The following SYN1 variants were observed in gnomAD, a reference collection of about 807,000 sequenced individuals.
SYN1 encodes synapsin I, also known as synapsin-1.
Under a neutral mutation model 44.6 loss-of-function variants are expected in SYN1, and 8 were observed. The ratio of observed to expected loss-of-function variants is 0.18; its 90% CI spans 0.11 to 0.32. The LOEUF is 0.32. Among genes scored for constraint, SYN1 ranks in the 10% least tolerant of loss-of-function variants. The pLI, the probability that SYN1 is intolerant of heterozygous loss-of-function variation, is 1.00. For missense variants in SYN1, 451 were observed against 639.4 expected, an observed-to-expected ratio of 0.71 and a Z score of 3.18; for synonymous variants, 275 against 280.1, an observed-to-expected ratio of 0.98 and a Z score of 0.18.
At chrX:47,585,378 G>A (rs1283138742) in intron 5 of SYN1, 1 of 1,206,051 alleles carries the variant, frequency 8.3e-7, no homozygotes, top group Non-Finnish European at 1.1e-6. Flanking sequence ...CAGTCCCTGG[G>A]GCGCGGCCTA....
Position 47,572,600 on chromosome X carries a change from G to A in SYN1, c.*264C>T. On this transcript the variant is annotated 3_prime_UTR_variant, in exon 13 of 13. Coordinates refer to ENST00000295987, the MANE Select transcript of SYN1 (RefSeq NM_006950.3). ...CAGGGGCGGAGGTCTTCAGGAATGT[G>A]GAGGTTCTAAAACAGAAGTAGATCC... 2 of 343,292 alleles carry A rather than the reference G, an allele frequency of 5.8e-6. No homozygotes were observed. Among genetic ancestry groups the A allele is most frequent in the Non-Finnish European group, 1.0e-5 (2 of 194,930 alleles). The allele number at this position is 343,292 out of a possible 1,213,427, so 28.3% of individuals were successfully genotyped here.
chrX:47,574,813 G>T (rs761419665), intron 10 of SYN1, 38 bp from the exon 11 acceptor site: 2 of 1,110,756 alleles, frequency 1.8e-6, no homozygotes, highest in Non-Finnish European at 2.4e-6. Flanking sequence ...GTTAAAAATA[G>T]TTACCAGCCA....
chrX:47,574,026 C>T lies in SYN1; in HGVS notation c.1958G>A (p.Gly653Glu). 8.7e-7 allele frequency: 1 copy of T among 1,149,187 alleles called. No individual in the cohort carries two copies. The highest frequency in any genetic ancestry group is 1.2e-6 in the Non-Finnish European group (1 of 869,199). 94.7% of individuals were successfully genotyped at this position (1,149,187 alleles called of 1,213,427 possible). A position where few individuals can be genotyped will look rare whatever the true frequency, so the allele number is the denominator to read the frequency against. Residue 653 changes from glycine (G) to glutamate (E), a missense_variant, in exon 12 of 13, where the codon GGG becomes GAG. By Grantham distance (98) the Gly-to-Glu change is moderately conservative. This residue lies in a region of SYN1 where 127 missense variants were observed against 154.8 expected (regional missense o/e 0.82). Transcript: ENST00000295987. Reference protein sequence around the residue: ...DVPPPATAAAGGPPHPQLNKS... With the variant: ...DVPPPATAAAEGPPHPQLNKS... ...CTTGAGCTGGGGGTGCGGAGGTCCC[C>T]CTGCAGCGGCGGTGGCGGGTGGCGG...
In SYN1 at chrX:47,606,933, T is replaced by C. The variant is rs1323719363; in HGVS notation, c.527+12A>G. On this transcript the variant is annotated intron_variant, in intron 3 of 12. Transcript: ENST00000295987. ...CTTGCTCATAACACCAAGGTACCCT[T>C]CTTATACTCACCGCACGACCTTCAC... 1 of 1,204,870 alleles carries C rather than the reference T, an allele frequency of 8.3e-7. No homozygotes were observed. Among genetic ancestry groups the C allele is most frequent in the Admixed American group, 2.2e-5 (1 of 45,776 alleles).
intron 5 of SYN1, among the ~76,000 whole-genome samples, chrX:47,596,392 G>A (rs771691860): frequency 8.9e-6 from 1 of 112,534 alleles, no homozygotes; most frequent in East Asian, 2.8e-4. Flanking sequence ...ACATATGCCT[G>A]GGAATCTAGA....
chrX:47,619,511 C>T lies in SYN1; in HGVS notation c.218G>A (p.Gly73Asp). The change falls in exon 1 of 13, where the codon GGC becomes GAC. Residue 73 changes from glycine to aspartate, a missense_variant. Physicochemically the swap from Gly to Asp is moderately conservative, Grantham distance 94. This residue lies in a region of SYN1 where 315 missense variants were observed against 451.4 expected (regional missense o/e 0.70). Coordinates refer to ENST00000295987, the MANE Select transcript of SYN1 (RefSeq NM_006950.3). ...PAAPSPGSSG[G>D]GGFFSSLSNA... ...GGACAGCGACGAGAAGAAGCCACCG[C>T]CCCCCGAGGACCCGGGGCTAGGGGC... is the stretch of plus-strand genomic sequence containing the variant. The T allele has an allele frequency of 8.3e-7, 1 of 1,197,981 alleles. No individual in the cohort carries two copies. The highest frequency in any genetic ancestry group is 1.8e-5 in the South Asian group (1 of 56,167).
intron 12 of SYN1, among the ~76,000 whole-genome samples, 176 bp downstream of exon 12, chrX:47,573,826 T>C (rs2057767688): frequency 9.2e-6 from 1 of 108,588 alleles, no homozygotes; most frequent in Non-Finnish European, 1.9e-5. Context: ...GCGGAGCCTC[T>C]GGTGGGCCGG....
At chrX:47,589,256 C>T (rs1429346957) in intron 5 of SYN1, among the ~76,000 whole-genome samples, 1 of 98,725 alleles carries the variant, frequency 1.0e-5, no homozygotes, top group Non-Finnish European at 2.0e-5. Flanking sequence ...GAGATCATGC[C>T]ACTGCACCCC....
intron 5 of SYN1, among the ~76,000 whole-genome samples, chrX:47,588,517 C>T (rs2057835452): frequency 8.9e-6 from 1 of 112,114 alleles, no homozygotes; most frequent in Non-Finnish European, 1.9e-5. Context: ...CCCTGCAGGT[C>T]AGCCCTTCGC....
intron 5 of SYN1, among the ~76,000 whole-genome samples, chrX:47,594,165 C>T (rs1448202730): frequency 9.3e-6 from 1 of 107,658 alleles, no homozygotes; most frequent in African/African-American, 3.4e-5. Flanking sequence ...GTCCAGGAGG[C>T]GGAGGTTGCA....
At chrX:47,597,307 C>T (rs775545701) in intron 5 of SYN1, among the ~76,000 whole-genome samples, 260 of 106,258 alleles carry the variant, frequency 2.4e-3, no homozygotes, top group Non-Finnish European at 3.5e-3. Flanking sequence ...TGCACTCTAG[C>T]CTGGGTGACA....
In SYN1 at chrX:47,576,126, C is replaced by T; in HGVS notation, c.1158+5G>A. On this transcript the variant is annotated splice_donor_5th_base_variant and intron_variant, in intron 9 of 12. Coordinates refer to ENST00000295987, the MANE Select transcript of SYN1 (RefSeq NM_006950.3). ...TCTACCCCACCTACCCCTGGGTGCTCATACCTCAATGATGTGATCCCTTCC... is the reference window on the plus strand; with the variant it reads ...TCTACCCCACCTACCCCTGGGTGCTTATACCTCAATGATGTGATCCCTTCC... 1 of 1,193,911 alleles carries T rather than the reference C, an allele frequency of 8.4e-7. No homozygotes were observed.
chrX:47,613,594 A>G (rs1333805580), intron 1 of SYN1, among the ~76,000 whole-genome samples: 1 of 111,822 alleles, frequency 8.9e-6, no homozygotes, highest in Non-Finnish European at 1.9e-5. Context: ...AAGGGCTTAC[A>G]TAACGTTTGA....
At chrX:47,584,744 C>T (rs936809263) in intron 5 of SYN1, among the ~76,000 whole-genome samples, 3 of 111,697 alleles carry the variant, frequency 2.7e-5, no homozygotes, top group African/African-American at 9.8e-5. Flanking sequence ...TTAAGCAGTG[C>T]CCGGCAAAGA....
intron 5 of SYN1, chrX:47,583,412 C>T: frequency 1.7e-6 from 2 of 1,199,414 alleles, no homozygotes; most frequent in Non-Finnish European, 2.2e-6. Context: ...CCACAGAACC[C>T]ACCATGGCCC....
At chrX:47,618,975 A>G (rs2057938985) in intron 1 of SYN1, among the ~76,000 whole-genome samples, 1 of 111,159 alleles carries the variant, frequency 9.0e-6, no homozygotes, top group Non-Finnish European at 1.9e-5. Context: ...TACTGCAGGT[A>G]CTAGATAAGT....
At chrX:47,607,740 A>C (rs771874219) in intron 1 of SYN1, among the ~76,000 whole-genome samples, 1 of 107,826 alleles carries the variant, frequency 9.3e-6, no homozygotes, top group Non-Finnish European at 1.9e-5. Context: ...AAAAAAAAAA[A>C]AAAAACAAAA....
Position 47,619,575 on chromosome X carries a change from C to A in SYN1, c.154G>T (p.Glu52Ter). The change falls in exon 1 of 13, where the codon GAG becomes TAG. Residue 52 changes from glutamate (E) to a stop codon, truncating the protein, a stop_gained. Coordinates refer to ENST00000295987, the MANE Select transcript of SYN1 (RefSeq NM_006950.3). LOFTEE classifies it high-confidence loss of function. ...GCTGGGGCGACCCCGGAGGACCTCT[C>A]GGCAGTGGCGGTCCCGGGACCGGGC... Reference protein sequence around the residue: ...ATPGPGTATAERSSGVAPAAS... With the variant: ...ATPGPGTATA 1 of 1,164,863 alleles carries A rather than the reference C, an allele frequency of 8.6e-7. No homozygotes were observed. The highest frequency in any genetic ancestry group is 2.7e-4 in the Middle Eastern group (1 of 3,746).
In SYN1 at chrX:47,572,885, G is replaced by GA; in HGVS notation, c.2096dup (p.Ala700ArgfsTer25). The GA allele has an allele frequency of 8.3e-7, 1 of 1,211,763 alleles. No individual in the cohort carries two copies. Among genetic ancestry groups the GA allele is most frequent in the Non-Finnish European group, 1.1e-6 (1 of 895,524 alleles). Reference sequence around the variant, plus strand: ...GGTATCAGTCGGAGAAGAGGCTGGCGAAAGACTTCCTCAGGCTGCGGATGG... The same window carrying GA: ...GGTATCAGTCGGAGAAGAGGCTGGCGAAAAGACTTCCTCAGGCTGCGGATGG... On this transcript the variant is annotated frameshift_variant, in exon 13 of 13. Coordinates refer to ENST00000295987, the MANE Select transcript of SYN1 (RefSeq NM_006950.3). LOFTEE classifies it high-confidence loss of function.
Sources: allele counts gnomAD v4.1 joint callset (sites outside exome capture counted in the v4.1 genomes callset), GRCh38; gene constraint gnomAD v4.1.1; regional missense constraint gnomAD v4.1.1; transcripts MANE v1.5; gene names NCBI Gene and HGNC (gene_info 2026-07-23, HGNC 2026-07-21).